Variants in GCNT2 observed in about 807,000 individuals in gnomAD.
GCNT2 encodes the protein N-acetyllactosaminide beta-1,6-N-acetylglucosaminyl-transferase.
In GCNT2, 34 loss-of-function variants were observed where a neutral mutation model predicts 34.2. That is an observed-to-expected ratio of 1.00 (90% CI 0.76 to 1.32). The LOEUF (loss-of-function observed/expected upper bound fraction) is 1.32. Among genes scored for constraint, GCNT2 ranks in the 40% most tolerant of loss-of-function variants. The probability of loss-of-function intolerance (pLI) is 0.00; values close to 1 mark genes in which losing one functional copy is unlikely to be tolerated. For missense variants in GCNT2, 584 were observed against 489.4 expected (o/e 1.19, Z -1.82); for synonymous variants, 212 against 188.0 (o/e 1.13, Z -1.04).
intron 3 of GCNT2, among the ~76,000 whole-genome samples, chr6:10,536,312 A>G (rs1761747405): frequency 6.6e-6 from 1 of 151,992 alleles, no homozygotes; most frequent in Non-Finnish European, 1.5e-5. Context: ...CCGCTTAAGC[A>G]ATCTCTGTTT....
At chr6:10,603,651 G>T (rs1765175784) in intron 3 of GCNT2, among the ~76,000 whole-genome samples, 1 of 151,518 alleles carries the variant, frequency 6.6e-6, no homozygotes, top group South Asian at 2.1e-4. Flanking sequence ...GAGTAGCTGG[G>T]ACTGCAGGCG....
chr6:10,600,028 G>A (rs1365560054), intron 3 of GCNT2, among the ~76,000 whole-genome samples: 1 of 152,168 alleles, frequency 6.6e-6, no homozygotes, highest in African/African-American at 2.4e-5. Flanking sequence ...CCAGGCACAG[G>A]GAGACGAAAT....
Position 10,529,148 on chromosome 6 carries a change from T to C in GCNT2, c.237T>C (p.Val79=). The C allele has an allele frequency of 6.2e-7, 1 of 1,614,066 alleles. No homozygotes were observed. The highest frequency in any genetic ancestry group is 8.5e-7 in the Non-Finnish European group (1 of 1,179,942). Residue 79 remains valine, a synonymous_variant, in exon 3 of 5, where the codon GTT becomes GTC. Transcript: ENST00000495262. ...LDEATCYEYM[V]RSHYVTETLS... ...AAGCTACCTGCTATGAGTACATGGT[T>C]CGAAGCCACTATGTAACAGAAACAC...
intron 3 of GCNT2, among the ~76,000 whole-genome samples, chr6:10,541,657 A>G (rs1413630474): frequency 1.3e-5 from 2 of 152,140 alleles, no homozygotes; most frequent in Non-Finnish European, 2.9e-5. Flanking sequence ...ATGTAGTTGA[A>G]GTAGTTGATT....
At chr6:10,550,513 C>T (rs1762438121) in intron 3 of GCNT2, among the ~76,000 whole-genome samples, 1 of 151,994 alleles carries the variant, frequency 6.6e-6, no homozygotes, top group African/African-American at 2.4e-5. Context: ...ATTATTGAGA[C>T]AGGGTCTTGC....
chr6:10,604,840 CAG>C (rs1415132138), intron 3 of GCNT2, among the ~76,000 whole-genome samples: 1 of 145,818 alleles, frequency 6.9e-6, no homozygotes, highest in East Asian at 2.0e-4. Context: ...GCCTGGGTGA[CAG>C]AGTGAGACCT....
At chr6:10,598,311 CTA>C (rs1181310072) in intron 3 of GCNT2, among the ~76,000 whole-genome samples, 3 of 152,174 alleles carry the variant, frequency 2.0e-5, no homozygotes, top group Admixed American at 6.5e-5. Context: ...GAGTTACAGA[CTA>C]TGGGGGTATA....
At chr6:10,585,236 G>A (rs1764295764) in intron 3 of GCNT2, among the ~76,000 whole-genome samples, 2 of 152,224 alleles carry the variant, frequency 1.3e-5, no homozygotes, top group South Asian at 4.2e-4. Flanking sequence ...CTGGAGTGCA[G>A]TGCTGCCATC....
chr6:10,534,139 C>CTTTTTTTTTTTTTTTTTTTTTTT (rs1491129469), intron 3 of GCNT2, among the ~76,000 whole-genome samples: 1,838 of 122,986 alleles, frequency 0.015, 493 homozygotes, highest in South Asian at 0.03. Flanking sequence ...TTCCATGCTG[C>CTTTTTTTTTTTTTTTTTTTTTTT]TCTTTTTTTT....
At chr6:10,563,770 AAAAAAAAATATATATATATATATAT>A (rs1763139986) in intron 3 of GCNT2, among the ~76,000 whole-genome samples, 1 of 75,336 alleles carries the variant, frequency 1.3e-5, no homozygotes, top group East Asian at 3.2e-4. Flanking sequence ...AAAAAAAAAA[AAAAAAAAATATATATATATATATAT>A]ATATATATAT....
intron 1 of GCNT2, among the ~76,000 whole-genome samples, chr6:10,526,625 A>C (rs989936996): frequency 6.6e-6 from 1 of 152,156 alleles, no homozygotes; most frequent in African/African-American, 2.4e-5. Context: ...GCAGGTCTCA[A>C]ACTCCTGGCC....
At chr6:10,534,411 C>T (rs1761665177) in intron 3 of GCNT2, among the ~76,000 whole-genome samples, 1 of 152,088 alleles carries the variant, frequency 6.6e-6, no homozygotes, top group South Asian at 2.1e-4. Flanking sequence ...GCTGGGATTA[C>T]AGGCGTGAGC....
chr6:10,587,348 G>A (rs376902176), intron 3 of GCNT2, among the ~76,000 whole-genome samples: 8 of 152,132 alleles, frequency 5.3e-5, no homozygotes, highest in Admixed American at 5.2e-4. Flanking sequence ...GCTGTTACAG[G>A]GGTACTTACT....
At chr6:10,585,713 G>A (rs1764311868) in intron 3 of GCNT2, 2 of 1,284,134 alleles carry the variant, frequency 1.6e-6, no homozygotes, top group South Asian at 3.3e-5. Context: ...ACTGGGCTGG[G>A]CTTAGCTGAG....
chr6:10,526,250 C>T (rs1216471551), intron 1 of GCNT2, among the ~76,000 whole-genome samples: 2 of 152,132 alleles, frequency 1.3e-5, no homozygotes, highest in Non-Finnish European at 2.9e-5. Flanking sequence ...GCCCTATAGG[C>T]ACAACTGGGT....
At chr6:10,543,633 G>A (rs1020548867) in intron 3 of GCNT2, among the ~76,000 whole-genome samples, 4 of 152,096 alleles carry the variant, frequency 2.6e-5, no homozygotes. Context: ...TTTTAGTTTA[G>A]CCCTTCTAGT....
chr6:10,581,984 A>G (rs1368062898), intron 3 of GCNT2: 2 of 279,120 alleles, frequency 7.2e-6, no homozygotes, highest in African/African-American at 2.3e-5. Context: ...ACACACACTT[A>G]TATGTATATA....
At chr6:10,588,158 C>T (rs1764439093) in intron 3 of GCNT2, among the ~76,000 whole-genome samples, 1 of 152,052 alleles carries the variant, frequency 6.6e-6, no homozygotes, top group Non-Finnish European at 1.5e-5. Flanking sequence ...TGGCTGGAGA[C>T]GAGAGAATTA....
intron 3 of GCNT2, among the ~76,000 whole-genome samples, chr6:10,605,378 T>G (rs1765264292): frequency 6.6e-6 from 1 of 151,552 alleles, no homozygotes; most frequent in Non-Finnish European, 1.5e-5. Flanking sequence ...CTGGCTTTTT[T>G]TTTTTTTTCT....
Sources: allele counts gnomAD v4.1 joint callset (sites outside exome capture counted in the v4.1 genomes callset), GRCh38; gene constraint gnomAD v4.1.1; transcripts MANE v1.5; gene names NCBI Gene and HGNC (gene_info 2026-07-23, HGNC 2026-07-21).